SEMA3C: variants seen among roughly 807,000 people sequenced by gnomAD.
SEMA3C encodes the protein semaphorin 3C, also known as semaphorin-3C.
A neutral mutation model predicts 89.4 loss-of-function variants in SEMA3C; 47 were observed. The ratio of observed to expected loss-of-function variants is 0.53; its 90% CI spans 0.42 to 0.67. The LOEUF is 0.67. Ranked by LOEUF, SEMA3C falls within the 30% of genes least tolerant of loss-of-function variation. The pLI, the probability that SEMA3C is intolerant of heterozygous loss-of-function variation, is 0.00. For missense variants in SEMA3C, 839 were observed against 929.1 expected (o/e 0.90, Z 1.26); for synonymous variants, 310 against 320.2 (o/e 0.97, Z 0.34).
At chr7:80,815,554 C>CAAAAAA (rs761990267) in intron 5 of SEMA3C, among the ~76,000 whole-genome samples, 74 of 58,802 alleles carry the variant, frequency 1.3e-3, no homozygotes, top group Middle Eastern at 0.012. Context: ...TTTAAATGGG[C>CAAAAAA]AAAAAAAAAA....
At chr7:80,757,803 C>T (rs1487748522) in intron 15 of SEMA3C, among the ~76,000 whole-genome samples, 2 of 151,920 alleles carry the variant, frequency 1.3e-5, no homozygotes, top group East Asian at 3.9e-4. Flanking sequence ...ACCCCATCTA[C>T]TAAAAATACA....
At chr7:80,849,016 T>G (rs542287597) in intron 2 of SEMA3C, among the ~76,000 whole-genome samples, 1 of 152,236 alleles carries the variant, frequency 6.6e-6, no homozygotes, top group South Asian at 2.1e-4. Context: ...TCCTCAAGTT[T>G]CACAGCAACA....
intron 2 of SEMA3C, among the ~76,000 whole-genome samples, chr7:80,861,586 T>C (rs1790772462): frequency 6.6e-6 from 1 of 152,212 alleles, no homozygotes; most frequent in African/African-American, 2.4e-5. Context: ...TAAATAGCTA[T>C]GAATTTAAAC....
chr7:80,859,408 A>T (rs1467439590), intron 2 of SEMA3C, among the ~76,000 whole-genome samples: 4 of 152,124 alleles, frequency 2.6e-5, no homozygotes, highest in African/African-American at 9.7e-5. Context: ...AGCTCCCTAG[A>T]GAGGATACCT....
intron 2 of SEMA3C, among the ~76,000 whole-genome samples, chr7:80,890,649 AG>A (rs1791590001): frequency 1.3e-5 from 2 of 152,172 alleles, no homozygotes; most frequent in African/African-American, 4.8e-5. Flanking sequence ...TAAACTACAA[AG>A]TTCATGGAGC....
At chr7:80,863,954 A>C (rs958435979) in intron 2 of SEMA3C, among the ~76,000 whole-genome samples, 3 of 132,772 alleles carry the variant, frequency 2.3e-5, no homozygotes, top group Admixed American at 2.2e-4. Context: ...TATGTATATC[A>C]CATGTATATC....
intron 17 of SEMA3C, among the ~76,000 whole-genome samples, chr7:80,748,039 T>C (rs1787839101): frequency 6.6e-6 from 1 of 152,160 alleles, no homozygotes; most frequent in African/African-American, 2.4e-5. Context: ...TAACTTAATA[T>C]GTAATAACCA....
At chr7:80,763,588 G>C (rs951316845) in intron 13 of SEMA3C, among the ~76,000 whole-genome samples, 3 of 152,118 alleles carry the variant, frequency 2.0e-5, no homozygotes, top group Non-Finnish European at 4.4e-5. Flanking sequence ...GTTAGCATGT[G>C]ATCAGACTAA....
At chr7:80,775,441 C>T (rs1179454539) in intron 12 of SEMA3C, among the ~76,000 whole-genome samples, 1 of 152,020 alleles carries the variant, frequency 6.6e-6, no homozygotes, top group Non-Finnish European at 1.5e-5. Flanking sequence ...AAAAGCCAAA[C>T]AGACCTATAT....
chr7:80,866,299 T>A (rs1196514701), intron 2 of SEMA3C, among the ~76,000 whole-genome samples: 1 of 152,130 alleles, frequency 6.6e-6, no homozygotes, highest in Non-Finnish European at 1.5e-5. Context: ...AGGGGTCCAG[T>A]GTCTTCTATA....
chr7:80,849,307 T>A (rs1790457997), intron 2 of SEMA3C, among the ~76,000 whole-genome samples: 2 of 151,078 alleles, frequency 1.3e-5, no homozygotes, highest in African/African-American at 2.4e-5. Context: ...TTAGCAACAG[T>A]GGCCATTAGT....
chr7:80,841,474 T>C (rs1246483698), intron 2 of SEMA3C, among the ~76,000 whole-genome samples: 14 of 152,162 alleles, frequency 9.2e-5, no homozygotes, highest in Admixed American at 9.2e-4. Flanking sequence ...TGCAGACCAC[T>C]GTAATTTACA....
intron 2 of SEMA3C, among the ~76,000 whole-genome samples, chr7:80,853,285 G>A (rs995638428): frequency 2.0e-5 from 3 of 152,088 alleles, no homozygotes; most frequent in Non-Finnish European, 2.9e-5. Context: ...CAAAAGAAAG[G>A]AAATCAGTAT....
chr7:80,804,578 A>G (rs945918322), intron 7 of SEMA3C, among the ~76,000 whole-genome samples: 8 of 152,134 alleles, frequency 5.3e-5, no homozygotes, highest in Non-Finnish European at 1.0e-4. Flanking sequence ...ATGTTTTTCA[A>G]TCTAGCACAT....
chr7:80,842,264 C>T (rs920533833), intron 2 of SEMA3C, among the ~76,000 whole-genome samples: 2 of 152,154 alleles, frequency 1.3e-5, no homozygotes, highest in Non-Finnish European at 2.9e-5. Flanking sequence ...AGACATTTCT[C>T]TTTCCTTTGT....
chr7:80,751,385 T>C (rs1428969319), intron 15 of SEMA3C, 49 bp from the exon 16 acceptor site: 1 of 1,478,622 alleles, frequency 6.8e-7, no homozygotes, highest in Admixed American at 1.7e-5. Flanking sequence ...TCACTGCCAA[T>C]TACACCACTC....
At chr7:80,802,138 C>T (rs938456033) in intron 9 of SEMA3C, among the ~76,000 whole-genome samples, 1 of 151,984 alleles carries the variant, frequency 6.6e-6, no homozygotes, top group Non-Finnish European at 1.5e-5. Context: ...CCTTATTCGA[C>T]CTGGAAAGTG....
intron 16 of SEMA3C, among the ~76,000 whole-genome samples, chr7:80,750,375 C>T (rs1787896266): frequency 6.9e-6 from 1 of 144,860 alleles, no homozygotes; most frequent in South Asian, 2.2e-4. Context: ...GGAAGCAAAC[C>T]AAGTGGCCAG....
Position 80,761,202 on chromosome 7 carries a change from T to C in SEMA3C, c.1485+414A>G, listed in dbSNP as rs528474402. ...AAGAATACACTGTGCATTTCAAATA[T>C]GTGACAACAGCAGGAACTCAGGATT... On this transcript the variant is annotated intron_variant, in intron 14 of 17. Transcript: ENST00000265361. Among the ~76,000 whole-genome samples the C allele has an allele frequency of 9.2e-5, 14 of 152,290 alleles. No individual in the cohort carries two copies. In the East Asian group the frequency reaches 1.5e-3, roughly 17 times the overall value.
Sources: gnomAD v4.1 joint callset for allele counts (sites outside exome capture counted in the v4.1 genomes callset) on GRCh38, gnomAD v4.1.1 for gene constraint, MANE v1.5 for transcripts, NCBI Gene and HGNC (gene_info 2026-07-23, HGNC 2026-07-21) for gene names.